Variants in ARMH4 observed in about 807,000 individuals in gnomAD.
The protein encoded by ARMH4 is armadillo like helical domain containing 4, also known as armadillo-like helical domain-containing protein 4.
Under a neutral mutation model 61.9 loss-of-function variants are expected in ARMH4, and 49 were observed. The observed-to-expected ratio is 0.79, with a 90% confidence interval of 0.63 to 1.00. The LOEUF is 1.00. Ranked by LOEUF, ARMH4 falls within the 50% of genes least tolerant of loss-of-function variation. ARMH4 has a pLI of 0.00. For missense variants in ARMH4, 934 were observed against 930.0 expected (o/e 1.00, Z -0.06); for synonymous variants, 368 against 341.5 (o/e 1.08, Z -0.85).
rs776771661 is a variant in ARMH4, at chr14:58,131,394, CT to C, written c.1831+117del. 414 of 759,652 alleles carry C rather than the reference CT, an allele frequency of 5.4e-4. 1 individual carries two copies. The highest frequency in any genetic ancestry group is 7.7e-4 in the Non-Finnish European group (371 of 480,460). 47.1% of individuals were successfully genotyped at this position (759,652 alleles called of 1,614,324 possible). Reference sequence around the variant, plus strand: ...CCAGATTTGGCCCAGCTGTAGTTTACTGTCCTCTGATCTATACTGCAGATTG... The same window carrying C: ...CCAGATTTGGCCCAGCTGTAGTTTACGTCCTCTGATCTATACTGCAGATTG... On this transcript the variant is annotated intron_variant, in intron 4 of 7. Coordinates refer to ENST00000267485, the MANE Select transcript of ARMH4 (RefSeq NM_001001872.4).
At chr14:58,017,726 C>A (rs371587724) in intron 5 of ARMH4, among the ~76,000 whole-genome samples, 3 of 152,068 alleles carry the variant, frequency 2.0e-5, no homozygotes, top group African/African-American at 7.2e-5. Context: ...ATATTCAATG[C>A]AATCTCTACC....
chr14:58,104,254 C>T (rs937797547), intron 4 of ARMH4, among the ~76,000 whole-genome samples: 5 of 152,102 alleles, frequency 3.3e-5, no homozygotes, highest in Admixed American at 3.3e-4. Flanking sequence ...GAATAGTATA[C>T]AATTTATATT....
chr14:58,052,367 C>T (rs757994410), intron 5 of ARMH4, among the ~76,000 whole-genome samples: 3 of 152,172 alleles, frequency 2.0e-5, no homozygotes, highest in Non-Finnish European at 4.4e-5. Flanking sequence ...AAGAACTCTG[C>T]TGCTATCCCA....
In ARMH4 at chr14:58,002,771, A is replaced by G. The variant is rs565756776; in HGVS notation, c.*1965T>C. The G allele has an allele frequency of 6.6e-6, 1 of 152,362 alleles. No homozygotes were observed. The highest frequency in any genetic ancestry group is 2.1e-4 in the South Asian group (1 of 4,830). 9.4% of individuals were successfully genotyped at this position (152,362 alleles called of 1,614,324 possible). On this transcript the variant is annotated 3_prime_UTR_variant, in exon 8 of 8. Transcript: ENST00000267485. ...TCAGGATGTCTCTACTCGTGAAATTACAAATCACTTCTGAGTGTCATGATT... is the reference window on the plus strand; with the variant it reads ...TCAGGATGTCTCTACTCGTGAAATTGCAAATCACTTCTGAGTGTCATGATT...
intron 5 of ARMH4, among the ~76,000 whole-genome samples, chr14:58,044,045 T>A (rs900911334): frequency 5.7e-4 from 87 of 152,254 alleles, no homozygotes; most frequent in Non-Finnish European, 8.5e-4. Context: ...CTGCCCAAGG[T>A]AATTTATAGA....
chr14:58,107,471 TA>T (rs767746706), intron 4 of ARMH4, among the ~76,000 whole-genome samples: 64 of 152,190 alleles, frequency 4.2e-4, no homozygotes, highest in Admixed American at 8.5e-4. Flanking sequence ...AAATCTAAGG[TA>T]AACAAATTAG....
At chr14:58,063,017 G>A (rs1884581238) in intron 5 of ARMH4, among the ~76,000 whole-genome samples, 1 of 152,196 alleles carries the variant, frequency 6.6e-6, no homozygotes, top group Admixed American at 6.5e-5. Context: ...CAGTTCTGAA[G>A]AATACAAGCC....
rs1335071708 is a variant in ARMH4, at chr14:58,138,543, T to C, written c.816A>G (p.Gln272=). 2 of 1,614,198 alleles carry C rather than the reference T, an allele frequency of 1.2e-6. No homozygotes were observed. The highest frequency in any genetic ancestry group is 1.1e-5 in the South Asian group (1 of 91,082). Residue 272 remains glutamine (Q), a synonymous_variant, in exon 2 of 8, where the codon CAA becomes CAG. Coordinates refer to ENST00000267485, the MANE Select transcript of ARMH4 (RefSeq NM_001001872.4). ...ADNTQAAATK[Q]PLETSEYTLS... is the part of the protein sequence containing the mutation. Reference sequence around the variant, plus strand: ...GGGTGTACTCGGAAGTTTCGAGTGGTTGCTTGGTGGCAGCAGCCTGGGTGT... The same window carrying C: ...GGGTGTACTCGGAAGTTTCGAGTGGCTGCTTGGTGGCAGCAGCCTGGGTGT...
At chr14:58,012,733 C>A (rs929459497) in intron 5 of ARMH4, among the ~76,000 whole-genome samples, 18 of 152,124 alleles carry the variant, frequency 1.2e-4, no homozygotes, top group Non-Finnish European at 4.4e-5. Context: ...GCAATACAAC[C>A]ACTATGAAAA....
intron 5 of ARMH4, among the ~76,000 whole-genome samples, chr14:58,054,859 G>A (rs1884274753): frequency 7.4e-6 from 1 of 135,026 alleles, no homozygotes; most frequent in Non-Finnish European, 1.5e-5. Flanking sequence ...GCAAGAGAAG[G>A]ACTCTGTCTC....
chr14:58,137,219 G>A (rs1887331482), intron 2 of ARMH4, among the ~76,000 whole-genome samples: 1 of 152,016 alleles, frequency 6.6e-6, no homozygotes, highest in East Asian at 1.9e-4. Context: ...TTGTTATGGG[G>A]GGCTGTCCTA....
At chr14:58,148,019 C>G (rs1887794634) in intron 1 of ARMH4, among the ~76,000 whole-genome samples, 1 of 152,148 alleles carries the variant, frequency 6.6e-6, no homozygotes, top group Admixed American at 6.5e-5. Flanking sequence ...CTTTTATGTG[C>G]CATACTCATC....
chr14:58,139,387 C>G lies in ARMH4; in HGVS notation c.-29G>C. ...GGAAGAGAAATGGCACGTACACTGG[C>G]AGAGTTGACAAGTCCAGTAATTGAA... On this transcript the variant is annotated 5_prime_UTR_variant, in exon 2 of 8. Coordinates refer to ENST00000267485, the MANE Select transcript of ARMH4 (RefSeq NM_001001872.4). 6.2e-7 allele frequency: 1 copy of G among 1,606,060 alleles called. No homozygotes were observed. Among genetic ancestry groups the G allele is most frequent in the Non-Finnish European group, 8.5e-7 (1 of 1,175,172 alleles).
Position 58,139,418 on chromosome 14 carries a change from C to G in ARMH4, c.-56-4G>C. The G allele has an allele frequency of 1.3e-6, 2 of 1,510,468 alleles. No homozygotes were observed. Among genetic ancestry groups the G allele is most frequent in the Admixed American group, 3.5e-5 (2 of 57,642 alleles). The allele number at this position is 1,510,468 out of a possible 1,614,324, so 93.6% of individuals were successfully genotyped here. Reference sequence around the variant, plus strand: ...TGACAAGTCCAGTAATTGAATCCTGCAGAAAAATAAAGCATATCAAACTGT... The same window carrying G: ...TGACAAGTCCAGTAATTGAATCCTGGAGAAAAATAAAGCATATCAAACTGT... On this transcript the variant is annotated splice_polypyrimidine_tract_variant and splice_region_variant and intron_variant, in intron 1 of 7. Transcript: ENST00000267485.
intron 5 of ARMH4, among the ~76,000 whole-genome samples, chr14:58,092,821 G>T (rs1476978858): frequency 1.3e-4 from 18 of 143,112 alleles, no homozygotes; most frequent in Middle Eastern, 3.7e-3. Context: ...TTCCCTTTTT[G>T]TTTTTTTTTT....
rs1882061394 is a variant in ARMH4 at position 58,003,768 on chromosome 14, T to C, written c.*968A>G. Reference sequence around the variant, plus strand: ...AATGTCTATTTTTCTAATAAAGCCATATAAGGACCAATGGTAGCCCACCTT... The same window carrying C: ...AATGTCTATTTTTCTAATAAAGCCACATAAGGACCAATGGTAGCCCACCTT... On this transcript the variant is annotated 3_prime_UTR_variant, in exon 8 of 8. Transcript: ENST00000267485. The C allele has an allele frequency of 6.6e-6, 1 of 152,298 alleles. No individual in the cohort carries two copies. Among genetic ancestry groups the C allele is most frequent in the East Asian group, 1.9e-4 (1 of 5,174 alleles). 9.4% of individuals were successfully genotyped at this position (152,298 alleles called of 1,614,324 possible).
chr14:58,132,146 G>A (rs1317592823), intron 3 of ARMH4, among the ~76,000 whole-genome samples: 3 of 152,140 alleles, frequency 2.0e-5, no homozygotes, highest in African/African-American at 7.2e-5. Flanking sequence ...ATCTGGGTCT[G>A]GAATGTCAAT....
intron 4 of ARMH4, chr14:58,116,560 C>T (rs1886534455): frequency 5.7e-6 from 1 of 176,012 alleles, no homozygotes; most frequent in Admixed American, 5.8e-5. Flanking sequence ...TCTCTAGTCC[C>T]AGATACTCAG....
chr14:58,054,549 T>G (rs895176297), intron 5 of ARMH4, among the ~76,000 whole-genome samples: 2 of 152,206 alleles, frequency 1.3e-5, no homozygotes, highest in Non-Finnish European at 2.9e-5. Context: ...ATACAATTTG[T>G]ATGTGATGGT....
Sources: gnomAD v4.1 joint callset for allele counts (sites outside exome capture counted in the v4.1 genomes callset) on GRCh38, gnomAD v4.1.1 for gene constraint, MANE v1.5 for transcripts, NCBI Gene and HGNC (gene_info 2026-07-23, HGNC 2026-07-21) for gene names.